The following DYNC1I1 variants were observed in gnomAD, a reference collection of about 807,000 sequenced individuals.
DYNC1I1 encodes cytoplasmic dynein 1 intermediate chain 1.
Under a neutral mutation model 86.6 loss-of-function variants are expected in DYNC1I1, and 43 were observed. The ratio of observed to expected loss-of-function variants is 0.50; its 90% CI spans 0.39 to 0.64. DYNC1I1 has a LOEUF of 0.64. Among genes scored for constraint, DYNC1I1 ranks in the 30% least tolerant of loss-of-function variants. The pLI is 0.00. For missense variants in DYNC1I1, 604 were observed against 788.8 expected (o/e 0.77, Z 2.81); for synonymous variants, 262 against 283.7 (o/e 0.92, Z 0.77).
intron 5 of DYNC1I1, among the ~76,000 whole-genome samples, chr7:95,837,412 T>C (rs945406655): frequency 2.0e-5 from 3 of 152,170 alleles, no homozygotes; most frequent in African/African-American, 2.4e-5. Flanking sequence ...AGGTTACTGC[T>C]GTCTTTTTGT....
chr7:95,927,524 T>C (rs796927038), intron 6 of DYNC1I1, among the ~76,000 whole-genome samples: 8 of 152,240 alleles, frequency 5.3e-5, no homozygotes, highest in African/African-American at 1.9e-4. Context: ...TATATAGATG[T>C]TAAATTTATT....
intron 10 of DYNC1I1, among the ~76,000 whole-genome samples, chr7:96,008,421 G>A (rs978903061): frequency 1.3e-5 from 2 of 152,000 alleles, no homozygotes; most frequent in African/African-American, 2.4e-5. Context: ...CAAAAAAAAA[G>A]GCACTTGAAA....
Position 95,814,994 on chromosome 7 carries a change from G to A in DYNC1I1, c.314+1657G>A, listed in dbSNP as rs148913762. 3.2e-4 allele frequency among the ~76,000 whole-genome samples: 48 copies of A among 151,912 alleles called. 1 individual carries two copies. In the East Asian group the frequency reaches 9.3e-3, roughly 30 times the overall value. ...CAATATAATCACATTTCTTGGGGGG[G>A]GTCCATTGGCCTATCATTAAGTTAA... is the stretch of plus-strand genomic sequence containing the variant. On this transcript the variant is annotated intron_variant, in intron 4 of 16. Transcript: ENST00000447467.
chr7:96,083,881 A>G (rs542150626), intron 16 of DYNC1I1, among the ~76,000 whole-genome samples: 46 of 152,324 alleles, frequency 3.0e-4, no homozygotes, highest in African/African-American at 1.1e-3. Context: ...AACCCTCTAG[A>G]AAGAAGACAA....
intron 11 of DYNC1I1, among the ~76,000 whole-genome samples, chr7:96,028,966 A>T (rs1294728297): frequency 1.3e-5 from 2 of 152,190 alleles, no homozygotes; most frequent in Admixed American, 1.3e-4. Context: ...GAATGAGAAG[A>T]CAGGCGTGTC....
intron 6 of DYNC1I1, among the ~76,000 whole-genome samples, chr7:95,930,888 A>G (rs1490302779): frequency 6.6e-6 from 1 of 152,050 alleles, no homozygotes; most frequent in African/African-American, 2.4e-5. Context: ...TTCTGCCCCC[A>G]TTGTTTCTTG....
At chr7:95,774,251 C>T (rs1362657370) in intron 1 of DYNC1I1, among the ~76,000 whole-genome samples, 2 of 152,164 alleles carry the variant, frequency 1.3e-5, no homozygotes, top group African/African-American at 2.4e-5. Flanking sequence ...AAGCTCTTAG[C>T]CCTGTTTCTG....
intron 10 of DYNC1I1, 146 bp from the exon 11 acceptor site, chr7:96,028,029 A>C: frequency 8.6e-7 from 1 of 1,161,434 alleles, no homozygotes; most frequent in Non-Finnish European, 1.2e-6. Context: ...CTTAGTAACT[A>C]TGCACTTTTA....
intron 5 of DYNC1I1, among the ~76,000 whole-genome samples, chr7:95,854,560 A>C (rs2116085899): frequency 6.6e-6 from 1 of 152,272 alleles, no homozygotes; most frequent in Admixed American, 6.5e-5. Context: ...TAAAAATGTT[A>C]GTGATTTACA....
intron 1 of DYNC1I1, among the ~76,000 whole-genome samples, chr7:95,774,526 G>T (rs111779575): frequency 6.6e-6 from 1 of 152,086 alleles, no homozygotes; most frequent in Non-Finnish European, 1.5e-5. Context: ...AACTCGACCC[G>T]CAGGAAAAGG....
chr7:95,958,376 A>G (rs1385149297), intron 6 of DYNC1I1, among the ~76,000 whole-genome samples: 1 of 152,168 alleles, frequency 6.6e-6, no homozygotes, highest in Non-Finnish European at 1.5e-5. Flanking sequence ...GGATCATTTG[A>G]AGTCAAGAGT....
intron 16 of DYNC1I1, among the ~76,000 whole-genome samples, chr7:96,084,229 C>T (rs771413814): frequency 3.3e-5 from 5 of 151,036 alleles, no homozygotes; most frequent in Non-Finnish European, 5.9e-5. Flanking sequence ...CAGGAAGGAA[C>T]GCCACATTTT....
At chr7:95,896,087 C>T (rs1438240895) in intron 6 of DYNC1I1, among the ~76,000 whole-genome samples, 4 of 152,208 alleles carry the variant, frequency 2.6e-5, no homozygotes, top group Non-Finnish European at 5.9e-5. Flanking sequence ...TGGGCTGCTA[C>T]AGAGTAACTA....
intron 6 of DYNC1I1, among the ~76,000 whole-genome samples, chr7:95,918,266 A>G (rs1791519214): frequency 6.6e-6 from 1 of 152,130 alleles, no homozygotes; most frequent in Non-Finnish European, 1.5e-5. Flanking sequence ...TTCACACCTT[A>G]TGGGCCACAT....
At chr7:96,104,167 T>TAATC (rs2116349100) in intron 16 of DYNC1I1, among the ~76,000 whole-genome samples, 1 of 152,310 alleles carries the variant, frequency 6.6e-6, no homozygotes, top group African/African-American at 2.4e-5. Context: ...TATTTATTGT[T>TAATC]AATCAGATAA....
intron 14 of DYNC1I1, among the ~76,000 whole-genome samples, chr7:96,048,199 A>G (rs1239307151): frequency 2.0e-5 from 3 of 152,192 alleles, no homozygotes; most frequent in African/African-American, 7.2e-5. Flanking sequence ...TAAATATCAC[A>G]GATGTATTTC....
intron 1 of DYNC1I1, among the ~76,000 whole-genome samples, chr7:95,774,982 C>A (rs981503989): frequency 3.3e-5 from 5 of 152,152 alleles, no homozygotes; most frequent in Non-Finnish European, 7.3e-5. Flanking sequence ...TTACTTTATT[C>A]TCCCTACACT....
chr7:95,856,980 G>GA (rs897937260), intron 5 of DYNC1I1, among the ~76,000 whole-genome samples: 9 of 146,596 alleles, frequency 6.1e-5, no homozygotes, highest in African/African-American at 1.3e-4. Context: ...ATCCGTCTCA[G>GA]AAAAAAAAAA....
intron 5 of DYNC1I1, among the ~76,000 whole-genome samples, chr7:95,857,089 G>A (rs911694085): frequency 6.6e-6 from 1 of 152,188 alleles, no homozygotes; most frequent in South Asian, 2.1e-4. Flanking sequence ...TGGAGAAGAC[G>A]CTTGAGTGTT....
Sources: allele counts gnomAD v4.1 joint callset (sites outside exome capture counted in the v4.1 genomes callset), GRCh38; gene constraint gnomAD v4.1.1; transcripts MANE v1.5; gene names NCBI Gene and HGNC (gene_info 2026-07-23, HGNC 2026-07-21).